The following RYR3 variants were observed in gnomAD, a reference collection of about 807,000 sequenced individuals.
RYR3 encodes the protein brain ryanodine receptor-calcium release channel.
RYR3 carries 207 observed loss-of-function variants against 584.3 expected under a neutral mutation model. The observed-to-expected ratio is 0.35, with a 90% CI of 0.32 to 0.40. RYR3 has a LOEUF of 0.40. RYR3 is among the 10% of genes least tolerant of loss of function. The pLI, the probability that RYR3 is intolerant of heterozygous loss-of-function variation, is 1.00. For missense variants in RYR3, 5,616 were observed against 6,089.2 expected, an observed-to-expected ratio of 0.92 and a Z score of 2.59; for synonymous variants, 2,416 against 2,248.5, an observed-to-expected ratio of 1.07 and a Z score of -2.11.
At chr15:33,527,500 C>G (rs1041174310) in intron 3 of RYR3, among the ~76,000 whole-genome samples, 5 of 151,456 alleles carry the variant, frequency 3.3e-5, no homozygotes, top group Non-Finnish European at 5.9e-5. Context: ...AGGAGAATTG[C>G]TCAAACCTGG....
intron 22 of RYR3, 114 bp downstream of exon 22, chr15:33,630,157 T>C (rs2061194954): frequency 6.6e-6 from 4 of 602,382 alleles, no homozygotes; most frequent in Non-Finnish European, 8.7e-6. Context: ...TTCTGATAAA[T>C]TAGAGGAGAT....
intron 38 of RYR3, among the ~76,000 whole-genome samples, chr15:33,687,935 T>C (rs903345225): frequency 2.6e-5 from 4 of 152,170 alleles, no homozygotes; most frequent in African/African-American, 9.7e-5. Context: ...AAGACTTAAA[T>C]GTTAGACCTA....
chr15:33,547,531 T>G (rs1398666130), intron 8 of RYR3, among the ~76,000 whole-genome samples: 1 of 152,146 alleles, frequency 6.6e-6, no homozygotes, highest in Non-Finnish European at 1.5e-5. Flanking sequence ...AGTAACTGTT[T>G]GATAAACCTA....
At chr15:33,796,416 G>T (rs1567190688) in intron 67 of RYR3, among the ~76,000 whole-genome samples, 1 of 152,050 alleles carries the variant, frequency 6.6e-6, no homozygotes, top group Non-Finnish European at 1.5e-5. Context: ...TTACAGGCGT[G>T]AGCCACCGCG....
At chr15:33,810,395 G>A in intron 70 of RYR3, 84 bp from the exon 71 acceptor site, 2 of 1,412,076 alleles carry the variant, frequency 1.4e-6, no homozygotes, top group Non-Finnish European at 2.0e-6. Context: ...AGGGCCACAA[G>A]GAGGCAGGCT....
intron 1 of RYR3, among the ~76,000 whole-genome samples, chr15:33,315,441 T>C (rs1968028089): frequency 6.6e-6 from 1 of 152,184 alleles, no homozygotes; most frequent in Non-Finnish European, 1.5e-5. Context: ...GTGCTAAAAT[T>C]CAGACCTCAG....
At chr15:33,842,113 T>G (rs887547863) in intron 91 of RYR3, 78 bp downstream of exon 91, 1 of 1,472,646 alleles carries the variant, frequency 6.8e-7, no homozygotes, top group Non-Finnish European at 9.2e-7. Context: ...CGCTGATTTG[T>G]TTCACTGTTT....
intron 38 of RYR3, among the ~76,000 whole-genome samples, chr15:33,691,082 T>A (rs2152756115): frequency 6.6e-6 from 1 of 152,314 alleles, no homozygotes; most frequent in South Asian, 2.1e-4. Flanking sequence ...CCAATAATTA[T>A]GGATATTCTT....
intron 80 of RYR3, 79 bp from the exon 81 acceptor site, chr15:33,822,917 T>A (rs1427812049): frequency 8.7e-7 from 1 of 1,147,130 alleles, no homozygotes; most frequent in East Asian, 2.4e-5. Context: ...GGCTGGGGAT[T>A]TCTCCATCAG....
rs1438290038 is a variant in RYR3, at chr15:33,342,067, AAGAG to A, written c.51+30973_51+30976del. On this transcript the variant is annotated intron_variant, in intron 1 of 103. Transcript: ENST00000634891. ...AAACGAATGATGCAGCAAGGGAAGT[AAGAG>A]AATCAACATGGAAGTGGGTGGGCAG... 5.3e-5 allele frequency among the ~76,000 whole-genome samples: 8 copies of A among 152,210 alleles called. No individual in the cohort carries two copies. The East Asian group carries it at 1.5e-3, about 29-fold the overall frequency.
chr15:33,794,898 A>C (rs1036928441), intron 67 of RYR3, among the ~76,000 whole-genome samples: 1 of 152,242 alleles, frequency 6.6e-6, no homozygotes, highest in Non-Finnish European at 1.5e-5. Context: ...CCTTTTTCCT[A>C]TCGTGACTTT....
intron 72 of RYR3, 73 bp from the exon 73 acceptor site, chr15:33,812,790 T>C: frequency 6.6e-7 from 1 of 1,504,904 alleles, no homozygotes; most frequent in Admixed American, 1.9e-5. Flanking sequence ...AGAACCATGG[T>C]AGGACCAAAA....
At chr15:33,596,856 A>G (rs537992047) in intron 16 of RYR3, among the ~76,000 whole-genome samples, 9 of 152,180 alleles carry the variant, frequency 5.9e-5, no homozygotes, top group African/African-American at 2.2e-4. Context: ...ATCTGTCCCT[A>G]TCCTTCTCTT....
At chr15:33,491,205 G>A (rs542081717) in intron 2 of RYR3, among the ~76,000 whole-genome samples, 5 of 152,246 alleles carry the variant, frequency 3.3e-5, no homozygotes, top group Admixed American at 2.6e-4. Context: ...AGGAGTGCTG[G>A]TGTCATCACA....
intron 1 of RYR3, among the ~76,000 whole-genome samples, chr15:33,313,576 G>A (rs1226445928): frequency 6.6e-6 from 1 of 152,152 alleles, no homozygotes; most frequent in Non-Finnish European, 1.5e-5. Flanking sequence ...GTATGTCTGG[G>A]TTAGGGAAGC....
chr15:33,705,737 A>C (rs2066662096), intron 42 of RYR3, among the ~76,000 whole-genome samples: 1 of 152,152 alleles, frequency 6.6e-6, no homozygotes, highest in South Asian at 2.1e-4. Context: ...TCCCAACCTC[A>C]ACATCTTGGC....
chr15:33,333,032 T>C (rs2676044), intron 1 of RYR3, among the ~76,000 whole-genome samples: 143,580 of 143,580 alleles, frequency 1, 71,790 homozygotes, highest in Non-Finnish European at 1. Flanking sequence ...GTAACAATTT[T>C]TGAAACTGAG....
Position 33,636,423 on chromosome 15 carries a change from G to C in RYR3, c.3429G>C (p.Gln1143His). ...QGSGYFGRTW[Q>H]PGDVVGCMIN... ...GTGGGTATTTTGGGCGTACCTGGCA[G>C]CCAGGGGATGTGGTCGGATGTATGA... The change falls in exon 27 of 104, where the codon CAG becomes CAC. Residue 1143 changes from glutamine to histidine, a missense_variant. By Grantham distance (24) the Gln-to-His change is conservative. This residue lies in a region of RYR3 where 152 missense variants were observed against 200.9 expected (regional missense o/e 0.76). Coordinates refer to ENST00000634891, the MANE Select transcript of RYR3 (RefSeq NM_001036.6). The C allele has an allele frequency of 6.2e-7, 1 of 1,613,934 alleles. No homozygotes were observed. The highest frequency in any genetic ancestry group is 8.5e-7 in the Non-Finnish European group (1 of 1,179,858).
intron 10 of RYR3, among the ~76,000 whole-genome samples, chr15:33,559,987 G>A (rs1305767670): frequency 6.6e-6 from 1 of 152,176 alleles, no homozygotes; most frequent in African/African-American, 2.4e-5. Flanking sequence ...AAGAACTTTA[G>A]AGATAATAAT....
Sources: allele counts gnomAD v4.1 joint callset (sites outside exome capture counted in the v4.1 genomes callset), GRCh38; gene constraint gnomAD v4.1.1; regional missense constraint gnomAD v4.1.1; transcripts MANE v1.5; gene names NCBI Gene and HGNC (gene_info 2026-07-23, HGNC 2026-07-21).